The following MYO3B variants were observed in gnomAD, a reference collection of about 807,000 sequenced individuals.
The protein encoded by MYO3B is myosin-IIIb.
In MYO3B, 156 loss-of-function variants were observed where a neutral mutation model predicts 174.6. The observed-to-expected ratio is 0.89, with a 90% CI of 0.78 to 1.02. MYO3B has a LOEUF of 1.02. Ranked by LOEUF, MYO3B falls within the 50% of genes least tolerant of loss-of-function variation. MYO3B has a pLI of 0.00. For synonymous variants in MYO3B, 563 were observed against 569.1 expected, an observed-to-expected ratio of 0.99 and a Z score of 0.15; for missense variants, 1,632 against 1,639.4, an observed-to-expected ratio of 1.00 and a Z score of 0.08.
intron 22 of MYO3B, among the ~76,000 whole-genome samples, chr2:170,425,324 G>A (rs939238269): frequency 1.1e-4 from 17 of 152,274 alleles, no homozygotes; most frequent in African/African-American, 2.9e-4. Context: ...TGGTGCCAAC[G>A]TGTTGTGTGC....
intron 22 of MYO3B, among the ~76,000 whole-genome samples, chr2:170,438,142 A>G (rs1209573070): frequency 1.3e-5 from 2 of 152,066 alleles, no homozygotes; most frequent in African/African-American, 4.8e-5. Flanking sequence ...TGTGAGTTTG[A>G]CTACTTTTGA....
At chr2:170,543,610 A>G (rs2106206077) in intron 31 of MYO3B, among the ~76,000 whole-genome samples, 1 of 152,312 alleles carries the variant, frequency 6.6e-6, no homozygotes, top group East Asian at 1.9e-4. Context: ...TAGCTGTTTT[A>G]TATTCTGGAC....
chr2:170,278,206 T>A (rs1397011537), intron 7 of MYO3B, among the ~76,000 whole-genome samples: 1 of 152,152 alleles, frequency 6.6e-6, no homozygotes, highest in African/African-American at 2.4e-5. Flanking sequence ...TATGTGTAAT[T>A]TTTATCCCCA....
At chr2:170,334,615 T>C (rs955605028) in intron 7 of MYO3B, 4 of 152,122 alleles carry the variant, frequency 2.6e-5, no homozygotes, top group African/African-American at 9.7e-5. Flanking sequence ...AAAAGTCTCA[T>C]CAATTAAAGG....
intron 7 of MYO3B, among the ~76,000 whole-genome samples, chr2:170,272,731 T>A (rs2093434466): frequency 6.6e-6 from 1 of 152,192 alleles, no homozygotes; most frequent in Non-Finnish European, 1.5e-5. Flanking sequence ...AATGCTATTA[T>A]TGTAAGAGTG....
chr2:170,497,810 T>G (rs987624957), intron 25 of MYO3B, among the ~76,000 whole-genome samples: 1 of 151,764 alleles, frequency 6.6e-6, no homozygotes, highest in African/African-American at 2.4e-5. Context: ...CTGGGCAAGG[T>G]GGCTCACGCT....
At chr2:170,398,313 CAT>C (rs1269358096) in intron 16 of MYO3B, among the ~76,000 whole-genome samples, 6 of 149,896 alleles carry the variant, frequency 4.0e-5, no homozygotes, top group Non-Finnish European at 8.9e-5. Flanking sequence ...TGGGAAGTAA[CAT>C]AGAGCTTCCA....
intron 3 of MYO3B, among the ~76,000 whole-genome samples, chr2:170,210,369 C>A (rs2092757325): frequency 6.6e-6 from 1 of 152,160 alleles, no homozygotes; most frequent in Non-Finnish European, 1.5e-5. Flanking sequence ...CATTTCCATG[C>A]CTTCTTGTAA....
At chr2:170,189,641 A>G (rs1158030547) in intron 1 of MYO3B, among the ~76,000 whole-genome samples, 1 of 151,968 alleles carries the variant, frequency 6.6e-6, no homozygotes, top group Non-Finnish European at 1.5e-5. Context: ...TTAGCATGTC[A>G]GTTGAATTTT....
intron 26 of MYO3B, among the ~76,000 whole-genome samples, chr2:170,499,285 T>C (rs1687072285): frequency 6.6e-6 from 1 of 152,172 alleles, no homozygotes; most frequent in South Asian, 2.1e-4. Flanking sequence ...GAACTTCCAC[T>C]GTTGGCTGGG....
intron 25 of MYO3B, among the ~76,000 whole-genome samples, chr2:170,475,939 G>T (rs957751695): frequency 6.6e-6 from 1 of 152,180 alleles, no homozygotes; most frequent in Non-Finnish European, 1.5e-5. Context: ...CATAAATCCT[G>T]CCCTTAGGTA....
intron 19 of MYO3B, among the ~76,000 whole-genome samples, chr2:170,403,214 A>T (rs1021194212): frequency 6.6e-6 from 1 of 152,134 alleles, no homozygotes; most frequent in African/African-American, 2.4e-5. Context: ...GTGACAAGTC[A>T]CTCATTTAAA....
rs567515571 is a variant in MYO3B at position 170,358,092 on chromosome 2, C to T, written c.816-11130C>T. Among the ~76,000 whole-genome samples the T allele has an allele frequency of 8.7e-4, 132 of 151,308 alleles. 1 individual carries two copies. Among genetic ancestry groups the T allele is most frequent in the South Asian group, 2.1e-3 (10 of 4,778 alleles). On this transcript the variant is annotated intron_variant, in intron 8 of 34. Transcript: ENST00000408978. ...ACTTGAACCTGGGAGGCAGAGGTTG[C>T]GGTGAGCCGAGATCGCACCATTGCA... is the stretch of plus-strand genomic sequence containing the variant.
At chr2:170,404,582 C>G (rs1224426477) in intron 20 of MYO3B, among the ~76,000 whole-genome samples, 182 bp downstream of exon 20, 1 of 152,054 alleles carries the variant, frequency 6.6e-6, no homozygotes, top group African/African-American at 2.4e-5. Context: ...TAAAGCAAAC[C>G]CATCGCTATT....
intron 25 of MYO3B, among the ~76,000 whole-genome samples, chr2:170,494,637 A>G (rs1686720935): frequency 6.7e-6 from 1 of 149,588 alleles, no homozygotes; most frequent in Non-Finnish European, 1.5e-5. Context: ...CTGAGGCACG[A>G]GAATTACTTG....
intron 7 of MYO3B, among the ~76,000 whole-genome samples, chr2:170,264,812 G>A (rs991165595): frequency 6.6e-6 from 1 of 152,188 alleles, no homozygotes; most frequent in African/African-American, 2.4e-5. Context: ...TTTGGGTGAT[G>A]GCTTAGTTTT....
intron 7 of MYO3B, among the ~76,000 whole-genome samples, chr2:170,305,786 C>T (rs895781835): frequency 2.0e-5 from 3 of 152,072 alleles, no homozygotes; most frequent in African/African-American, 4.8e-5. Flanking sequence ...CAGGGTCTTA[C>T]TATATTACCT....
intron 23 of MYO3B, 138 bp from the exon 24 acceptor site, chr2:170,463,230 C>T (rs1684417568): frequency 1.7e-6 from 1 of 605,788 alleles, no homozygotes; most frequent in Non-Finnish European, 2.9e-6. Context: ...AAAATTCTCC[C>T]CACAGTATAC....
intron 7 of MYO3B, among the ~76,000 whole-genome samples, chr2:170,268,005 C>T (rs1281849389): frequency 6.6e-6 from 1 of 151,930 alleles, no homozygotes; most frequent in Non-Finnish European, 1.5e-5. Flanking sequence ...GTCAGGAGTT[C>T]GAGACCAGCC....
Sources: allele counts gnomAD v4.1 joint callset (sites outside exome capture counted in the v4.1 genomes callset), GRCh38; gene constraint gnomAD v4.1.1; transcripts MANE v1.5; gene names NCBI Gene and HGNC (gene_info 2026-07-23, HGNC 2026-07-21).